Variants in SCN7A observed in about 807,000 individuals in gnomAD.
SCN7A encodes the protein sodium channel protein type 7 subunit alpha.
In SCN7A, 138 loss-of-function variants were observed where a neutral mutation model predicts 155.2. That is an observed-to-expected ratio of 0.89 (90% confidence interval 0.77 to 1.02). The LOEUF (loss-of-function observed/expected upper bound fraction) is 1.02, where lower values mean the gene tolerates loss of function less well. Ranked by LOEUF, SCN7A falls within the 50% of genes least tolerant of loss-of-function variation. SCN7A has a pLI of 0.00. For synonymous variants in SCN7A, 693 were observed against 649.0 expected (o/e 1.07, Z -1.03); for missense variants, 2,058 against 1,986.6 (o/e 1.04, Z -0.68).
intron 11 of SCN7A, among the ~76,000 whole-genome samples, chr2:166,454,371 T>C (rs2105459509): frequency 6.6e-6 from 1 of 152,356 alleles, no homozygotes; most frequent in South Asian, 2.1e-4. Context: ...CCACAACTGC[T>C]TCTTGTTCAA....
At chr2:166,470,570 T>C (rs760168407) in intron 7 of SCN7A, 45 bp downstream of exon 7, 1 of 1,503,342 alleles carries the variant, frequency 6.7e-7, no homozygotes, top group South Asian at 1.2e-5. Context: ...TACATGGCAG[T>C]ACATAAAACA....
chr2:166,443,950 C>A (rs7570201), intron 13 of SCN7A, among the ~76,000 whole-genome samples: 94,123 of 151,984 alleles, frequency 0.62, 29,271 homozygotes, highest in Middle Eastern at 0.66. Context: ...CAGGGTGAAG[C>A]CCTTTCAATT....
At chr2:166,414,901 T>A (rs1374427396) in intron 21 of SCN7A, among the ~76,000 whole-genome samples, 6 of 91,058 alleles carry the variant, frequency 6.6e-5, no homozygotes, top group African/African-American at 2.2e-4. Flanking sequence ...TATATATTAT[T>A]ATATAGGATA....
At chr2:166,456,463 G>C (rs988531965) in intron 11 of SCN7A, among the ~76,000 whole-genome samples, 1 of 151,798 alleles carries the variant, frequency 6.6e-6, no homozygotes, top group East Asian at 1.9e-4. Flanking sequence ...AAAAATAAAA[G>C]AACACCACCA....
chr2:166,454,116 T>A (rs1280287664), intron 11 of SCN7A, among the ~76,000 whole-genome samples: 1 of 152,116 alleles, frequency 6.6e-6, no homozygotes, highest in Non-Finnish European at 1.5e-5. Context: ...TCATCTGGGA[T>A]CAGAGAAGTA....
chr2:166,405,989 G>A lies in SCN7A; in HGVS notation c.4640C>T (p.Pro1547Leu), dbSNP rs1277054744. The A allele has an allele frequency of 6.2e-7, 1 of 1,612,978 alleles. No individual in the cohort carries two copies. Among genetic ancestry groups the A allele is most frequent in the Admixed American group, 1.7e-5 (1 of 59,808 alleles). ...KLSDFAAALD[P>L]PLFMAKPNKG... is the part of the protein sequence containing the mutation. The stretch of plus-strand genomic sequence containing the variant: ...GTTTGGTTTTGCCATGAAAAGAGGA[G>A]GATCAAGAGCAGCTGCAAAATCTGA... Residue 1547 changes from proline to leucine, a missense_variant, in exon 26 of 26, where the codon CCT becomes CTT. Physicochemically the swap from Pro to Leu is moderately conservative, Grantham distance 98 (BLOSUM62 -3). Transcript: ENST00000643258.
At chr2:166,421,581 T>G (rs1701512624) in intron 19 of SCN7A, among the ~76,000 whole-genome samples, 1 of 152,018 alleles carries the variant, frequency 6.6e-6, no homozygotes, top group Admixed American at 6.6e-5. Context: ...TTATACTCTT[T>G]ATGATCAATG....
chr2:166,474,501 G>T (rs4667513), intron 3 of SCN7A, among the ~76,000 whole-genome samples, 157 bp from the exon 4 acceptor site: 1 of 151,674 alleles, frequency 6.6e-6, no homozygotes, highest in Admixed American at 6.6e-5. Flanking sequence ...CAAATGGAAA[G>T]ATTTTAGATG....
intron 21 of SCN7A, among the ~76,000 whole-genome samples, chr2:166,414,245 A>T (rs1701295832): frequency 1.2e-5 from 1 of 84,248 alleles, no homozygotes; most frequent in Non-Finnish European, 2.2e-5. Flanking sequence ...TATATATGTA[A>T]ATATATATAG....
At chr2:166,460,585 C>T (rs113702779) in intron 10 of SCN7A, among the ~76,000 whole-genome samples, 8 of 152,142 alleles carry the variant, frequency 5.3e-5, no homozygotes, top group African/African-American at 1.7e-4. Flanking sequence ...CTTACTCCTA[C>T]ACTGGGCTTG....
At chr2:166,477,772 G>A in intron 2 of SCN7A, 62 bp from the exon 3 acceptor site, 1 of 1,069,794 alleles carries the variant, frequency 9.3e-7, no homozygotes, top group Non-Finnish European at 1.3e-6. Context: ...CAAAAGATTA[G>A]GATACGAAAA....
chr2:166,485,661 T>A (rs1417920491), intron 2 of SCN7A, among the ~76,000 whole-genome samples: 1 of 152,124 alleles, frequency 6.6e-6, no homozygotes, highest in East Asian at 1.9e-4. Flanking sequence ...GCCTGAAATG[T>A]TCCTGCTTTG....
intron 15 of SCN7A, 83 bp from the exon 16 acceptor site, chr2:166,432,835 G>A: frequency 1.0e-6 from 1 of 967,170 alleles, no homozygotes; most frequent in Non-Finnish European, 1.5e-6. Flanking sequence ...CAAAACTGAT[G>A]AGAACATTTA....
intron 2 of SCN7A, among the ~76,000 whole-genome samples, chr2:166,483,775 T>C (rs1157808715): frequency 6.6e-6 from 1 of 151,912 alleles, no homozygotes; most frequent in East Asian, 1.9e-4. Flanking sequence ...GTACTGTTTA[T>C]AAATAAAAAC....
intron 11 of SCN7A, among the ~76,000 whole-genome samples, chr2:166,452,025 T>A (rs1039711193): frequency 6.6e-6 from 1 of 152,248 alleles, no homozygotes; most frequent in South Asian, 2.1e-4. Context: ...AATTAGTAAT[T>A]CCTTAATACT....
At chr2:166,467,506 C>T (rs1229275897) in intron 7 of SCN7A, among the ~76,000 whole-genome samples, 2 of 150,056 alleles carry the variant, frequency 1.3e-5, no homozygotes, top group Non-Finnish European at 3.0e-5. Context: ...TATATACACA[C>T]ACACACACAC....
intron 2 of SCN7A, among the ~76,000 whole-genome samples, chr2:166,479,691 A>G (rs1702877032): frequency 6.6e-6 from 1 of 152,186 alleles, no homozygotes; most frequent in Admixed American, 6.5e-5. Context: ...CTCAAAAAAA[A>G]GGTAAACAGA....
At chr2:166,464,265 T>G (rs1702479407) in intron 9 of SCN7A, among the ~76,000 whole-genome samples, 1 of 151,802 alleles carries the variant, frequency 6.6e-6, no homozygotes, top group Non-Finnish European at 1.5e-5. Context: ...CAAAATCCCC[T>G]GAATTTAACT....
At chr2:166,470,547 A>G in intron 7 of SCN7A, 68 bp downstream of exon 7, 3 of 1,298,730 alleles carry the variant, frequency 2.3e-6, no homozygotes, top group Non-Finnish European at 3.2e-6. Flanking sequence ...AACAACAGGG[A>G]AGTTCAAGTG....
Sources: gnomAD v4.1 joint callset for allele counts (sites outside exome capture counted in the v4.1 genomes callset) on GRCh38, gnomAD v4.1.1 for gene constraint, MANE v1.5 for transcripts, NCBI Gene and HGNC (gene_info 2026-07-23, HGNC 2026-07-21) for gene names.